FOXP1: variants seen among roughly 807,000 people sequenced by gnomAD.
The protein encoded by FOXP1 is forkhead box P1.
FOXP1 carries 15 observed loss-of-function variants against 98.2 expected under a neutral mutation model. That is an observed-to-expected ratio of 0.15 (90% CI 0.10 to 0.24). FOXP1 has a LOEUF of 0.24. Among genes scored for constraint, FOXP1 ranks in the 10% least tolerant of loss-of-function variants. FOXP1 has a pLI of 1.00. For synonymous variants in FOXP1, 371 were observed against 314.5 expected (o/e 1.18, Z -1.90); for missense variants, 633 against 848.5 (o/e 0.75, Z 3.15).
At chr3:71,322,374 A>G (rs1160580006) in intron 4 of FOXP1, among the ~76,000 whole-genome samples, 1 of 152,236 alleles carries the variant, frequency 6.6e-6, no homozygotes, top group African/African-American at 2.4e-5. Flanking sequence ...GCAATCAGCT[A>G]TCATAGTGGA....
intron 9 of FOXP1, 77 bp from the exon 10 acceptor site, chr3:71,047,172 C>T (rs992140621): frequency 1.0e-4 from 155 of 1,521,504 alleles, no homozygotes; most frequent in Non-Finnish European, 1.4e-4. Context: ...TCAAAACTCA[C>T]CATCATCATC....
At chr3:71,521,500 T>C (rs577651276) in intron 2 of FOXP1, among the ~76,000 whole-genome samples, 35 of 148,678 alleles carry the variant, frequency 2.4e-4, no homozygotes, top group African/African-American at 8.2e-4. Context: ...GCACTCCAGT[T>C]TGGCCAACAG....
chr3:71,376,414 T>A (rs2079713830), intron 3 of FOXP1, among the ~76,000 whole-genome samples: 1 of 152,208 alleles, frequency 6.6e-6, no homozygotes, highest in Non-Finnish European at 1.5e-5. Context: ...CAGTTCAGAC[T>A]TGTGTCTTAA....
chr3:70,967,711 T>G (rs1388684884), intron 19 of FOXP1, among the ~76,000 whole-genome samples: 1 of 108,232 alleles, frequency 9.2e-6, no homozygotes, highest in Non-Finnish European at 1.8e-5. Flanking sequence ...TTTTTTTTTG[T>G]TTTTTTTTTT....
At chr3:71,396,439 G>T (rs1180885695) in intron 3 of FOXP1, among the ~76,000 whole-genome samples, 1 of 152,138 alleles carries the variant, frequency 6.6e-6, no homozygotes, top group Non-Finnish European at 1.5e-5. Context: ...GGCTTGGAAA[G>T]TTTAAGTAAC....
At chr3:70,961,993 C>T (rs2033648611) in intron 20 of FOXP1, among the ~76,000 whole-genome samples, 1 of 152,172 alleles carries the variant, frequency 6.6e-6, no homozygotes, top group Admixed American at 6.5e-5. Flanking sequence ...TGAACCAGCT[C>T]TGCTAAAATA....
rs529237403 is a variant in FOXP1 at position 71,020,272 on chromosome 3, T to C, written c.870-4619A>G. Among the ~76,000 whole-genome samples, 11 of 152,338 alleles carry C rather than the reference T, an allele frequency of 7.2e-5. No homozygotes were observed. The East Asian group carries it at 2.1e-3, about 29-fold the overall frequency. ...TGTAATAATTTCTGACATTAAATGA[T>C]ACCAAATCCAGTATATATTCAGTAG... On this transcript the variant is annotated intron_variant, in intron 11 of 20. Transcript: ENST00000649528.
At chr3:71,177,483 T>G (rs1392737234) in intron 6 of FOXP1, among the ~76,000 whole-genome samples, 1 of 152,172 alleles carries the variant, frequency 6.6e-6, no homozygotes, top group African/African-American at 2.4e-5. Flanking sequence ...AGAAATCCTT[T>G]CAGAATGAAC....
At position 71,239,154 on chromosome 3, in the gene FOXP1, A is replaced by G. The variant is rs150040085; in HGVS notation, c.-11-40762T>C. Among the ~76,000 whole-genome samples the G allele has an allele frequency of 3.4e-3, 513 of 152,270 alleles. 3 individuals carry two copies. Among genetic ancestry groups the G allele is most frequent in the African/African-American group, 0.011 (474 of 41,554 alleles). On this transcript the variant is annotated intron_variant, in intron 5 of 20. Coordinates refer to ENST00000649528, the MANE Select transcript of FOXP1 (RefSeq NM_001349338.3). ...GCATTTGAGCTTGGTCTGTACTGAG[A>G]AAATCCAGTCTACATGCTGGGATAA...
chr3:71,505,805 G>A (rs144166089), intron 2 of FOXP1, among the ~76,000 whole-genome samples: 58 of 152,068 alleles, frequency 3.8e-4, no homozygotes, highest in African/African-American at 1.4e-3. Context: ...TGTGGGCATC[G>A]TCCCCCTTCC....
intron 2 of FOXP1, among the ~76,000 whole-genome samples, chr3:71,535,178 G>C (rs1049456910): frequency 2.6e-5 from 4 of 152,270 alleles, no homozygotes; most frequent in Middle Eastern, 3.4e-3. Context: ...CCACAAACCA[G>C]GTGCATCTGG....
chr3:71,112,125 TG>T (rs72029323), intron 7 of FOXP1, among the ~76,000 whole-genome samples: 7 of 16,900 alleles, frequency 4.1e-4, no homozygotes, highest in East Asian at 2.1e-3. Context: ...GGTGGGGGGG[TG>T]GGGGGGTCGC....
At chr3:71,459,835 ATTTG>A (rs1272216806) in intron 3 of FOXP1, among the ~76,000 whole-genome samples, 4 of 152,034 alleles carry the variant, frequency 2.6e-5, no homozygotes, top group African/African-American at 9.7e-5. Flanking sequence ...ATGAATGCTG[ATTTG>A]TTTCTTTTTT....
intron 3 of FOXP1, among the ~76,000 whole-genome samples, chr3:71,385,788 C>T (rs925881649): frequency 2.6e-5 from 4 of 152,088 alleles, no homozygotes; most frequent in African/African-American, 9.7e-5. Context: ...ATATCGTGGT[C>T]TCCTTCTCCA....
At chr3:71,384,575 C>T (rs530384487) in intron 3 of FOXP1, among the ~76,000 whole-genome samples, 1 of 152,310 alleles carries the variant, frequency 6.6e-6, no homozygotes, top group East Asian at 1.9e-4. Flanking sequence ...TGACAAAGCT[C>T]TCAGTAATGT....
intron 5 of FOXP1, among the ~76,000 whole-genome samples, chr3:71,222,929 C>T (rs1339122215): frequency 6.6e-6 from 1 of 152,236 alleles, no homozygotes; most frequent in Non-Finnish European, 1.5e-5. Flanking sequence ...TCACTGTCAA[C>T]TCCTTTGATG....
At chr3:71,308,696 AT>A (rs2074455378) in intron 4 of FOXP1, among the ~76,000 whole-genome samples, 1 of 151,970 alleles carries the variant, frequency 6.6e-6, no homozygotes, top group Non-Finnish European at 1.5e-5. Context: ...GGAAAAAAAA[AT>A]AAACTGGAAC....
chr3:71,046,185 T>C (rs966149985), intron 10 of FOXP1, among the ~76,000 whole-genome samples: 3 of 152,152 alleles, frequency 2.0e-5, no homozygotes, highest in African/African-American at 7.2e-5. Flanking sequence ...AAAGTCAGAG[T>C]TGCTTAAACC....
At chr3:71,363,628 C>G (rs141814123) in intron 3 of FOXP1, among the ~76,000 whole-genome samples, 93 of 152,318 alleles carry the variant, frequency 6.1e-4, no homozygotes, top group Non-Finnish European at 1.0e-3. Context: ...AGATTATCAG[C>G]ACCTCTGGGC....
Sources: gnomAD v4.1 joint callset for allele counts (sites outside exome capture counted in the v4.1 genomes callset) on GRCh38, gnomAD v4.1.1 for gene constraint, MANE v1.5 for transcripts, NCBI Gene and HGNC (gene_info 2026-07-23, HGNC 2026-07-21) for gene names.